Variants in SLC4A10 observed in about 807,000 individuals in gnomAD.
SLC4A10 encodes solute carrier family 4 member 10, also known as sodium-driven chloride bicarbonate exchanger.
SLC4A10 carries 42 observed loss-of-function variants against 137.7 expected under a neutral mutation model. The observed-to-expected ratio is 0.30, with a 90% CI of 0.24 to 0.39. SLC4A10 has a LOEUF of 0.39. Ranked by LOEUF, SLC4A10 falls within the 10% of genes least tolerant of loss-of-function variation. The pLI is 1.00. For missense variants in SLC4A10, 925 were observed against 1,355.0 expected, an observed-to-expected ratio of 0.68 and a Z score of 4.98; for synonymous variants, 474 against 464.1, an observed-to-expected ratio of 1.02 and a Z score of -0.27.
chr2:161,879,345 A>G, intron 9 of SLC4A10, 57 bp downstream of exon 9: 3 of 1,477,306 alleles, frequency 2.0e-6, no homozygotes, highest in Non-Finnish European at 1.8e-6. Flanking sequence ...TCATGGAAAG[A>G]AAATGAGGAT....
intron 3 of SLC4A10, among the ~76,000 whole-genome samples, chr2:161,832,080 C>T (rs1312884685): frequency 2.0e-5 from 3 of 152,114 alleles, no homozygotes; most frequent in Non-Finnish European, 2.9e-5. Flanking sequence ...CCTTATGGGG[C>T]AACAATCAGT....
At chr2:161,916,215 A>G (rs1176651694) in intron 15 of SLC4A10, among the ~76,000 whole-genome samples, 3 of 152,178 alleles carry the variant, frequency 2.0e-5, no homozygotes, top group African/African-American at 7.2e-5. Flanking sequence ...TAGTCCATTT[A>G]TGTTTGAAGT....
chr2:161,948,326 T>C (rs906796162), intron 17 of SLC4A10, among the ~76,000 whole-genome samples: 3 of 152,162 alleles, frequency 2.0e-5, no homozygotes, highest in African/African-American at 7.2e-5. Flanking sequence ...CTATAGATTA[T>C]GATCAAAATT....
At chr2:161,639,534 C>A (rs959361358) in intron 1 of SLC4A10, among the ~76,000 whole-genome samples, 1 of 152,060 alleles carries the variant, frequency 6.6e-6, no homozygotes, top group Admixed American at 6.6e-5. Context: ...ATATGATCAT[C>A]CCAATAGATG....
intron 5 of SLC4A10, among the ~76,000 whole-genome samples, chr2:161,858,223 C>A (rs1332220273): frequency 6.6e-6 from 1 of 152,050 alleles, no homozygotes; most frequent in East Asian, 1.9e-4. Context: ...AATACACAGG[C>A]TTTACAGTAT....
intron 1 of SLC4A10, among the ~76,000 whole-genome samples, chr2:161,702,380 CT>C (rs970237445): frequency 1.6e-4 from 24 of 151,910 alleles, no homozygotes; most frequent in African/African-American, 5.8e-4. Context: ...ACAATGAAAA[CT>C]TTTAAAGATT....
At chr2:161,802,677 C>T (rs192373707) in intron 2 of SLC4A10, among the ~76,000 whole-genome samples, 2 of 152,090 alleles carry the variant, frequency 1.3e-5, no homozygotes, top group Admixed American at 6.6e-5. Context: ...TCTCACAGTT[C>T]TGGAGGCTGG....
At chr2:161,883,954 G>T (rs886523354) in intron 10 of SLC4A10, among the ~76,000 whole-genome samples, 2 of 152,006 alleles carry the variant, frequency 1.3e-5, no homozygotes, top group African/African-American at 4.8e-5. Flanking sequence ...TTTCAAATAA[G>T]GCCACATTCT....
intron 15 of SLC4A10, among the ~76,000 whole-genome samples, chr2:161,936,174 G>T (rs1316610881): frequency 6.6e-6 from 1 of 152,066 alleles, no homozygotes; most frequent in Non-Finnish European, 1.5e-5. Context: ...CTGTGTTGTT[G>T]CATTTAATTT....
intron 1 of SLC4A10, among the ~76,000 whole-genome samples, chr2:161,683,491 G>C (rs2041080686): frequency 6.6e-6 from 1 of 152,122 alleles, no homozygotes; most frequent in Admixed American, 6.6e-5. Context: ...TAGCAGAAAA[G>C]TCAAGGAGAA....
At chr2:161,688,454 T>C (rs2041662592) in intron 1 of SLC4A10, among the ~76,000 whole-genome samples, 1 of 152,164 alleles carries the variant, frequency 6.6e-6, no homozygotes, top group African/African-American at 2.4e-5. Flanking sequence ...GGGTAGAGTA[T>C]GCGATGCATT....
intron 5 of SLC4A10, 134 bp downstream of exon 5, chr2:161,855,264 AT>A: frequency 1.3e-6 from 1 of 769,408 alleles, no homozygotes. Flanking sequence ...CTTAAAAGTC[AT>A]TTTCTTTTAC....
chr2:161,845,941 A>G (rs2059463925), intron 4 of SLC4A10, among the ~76,000 whole-genome samples: 2 of 152,244 alleles, frequency 1.3e-5, no homozygotes, highest in African/African-American at 4.8e-5. Context: ...TAGACATAAC[A>G]CCAAAAGCGC....
At chr2:161,660,572 C>CTTTCTTTCTTTCTTTCT (rs2038175000) in intron 1 of SLC4A10, among the ~76,000 whole-genome samples, 1 of 120,034 alleles carries the variant, frequency 8.3e-6, no homozygotes, top group Non-Finnish European at 1.9e-5. Flanking sequence ...TTCTTTCTTT[C>CTTTCTTTCTTTCTTTCT]TTTCTTTCTT....
intron 4 of SLC4A10, among the ~76,000 whole-genome samples, chr2:161,845,853 T>G (rs2059459422): frequency 6.6e-6 from 1 of 152,106 alleles, no homozygotes; most frequent in Non-Finnish European, 1.5e-5. Flanking sequence ...GATTTAAATT[T>G]GAAACATAAA....
chr2:161,660,323 T>A (rs1558967917), intron 1 of SLC4A10, among the ~76,000 whole-genome samples: 2 of 152,250 alleles, frequency 1.3e-5, no homozygotes, highest in Non-Finnish European at 2.9e-5. Flanking sequence ...ATCTCCTTAC[T>A]TCTTTTGACT....
chr2:161,655,845 C>T lies in SLC4A10; in HGVS notation c.48+31279C>T, dbSNP rs113832216. On this transcript the variant is annotated intron_variant, in intron 1 of 26. Transcript: ENST00000446997. ...TTTTTTTTTTTTGGAGACGGAGTCT[C>T]GCTCTGTCACCCAGGCTGGAGTGCA... Among the ~76,000 whole-genome samples, 700 of 150,298 alleles carry T rather than the reference C, an allele frequency of 4.7e-3. 6 individuals are homozygous for T. The highest frequency in any genetic ancestry group is 0.01 in the Admixed American group (153 of 15,114).
intron 6 of SLC4A10, among the ~76,000 whole-genome samples, chr2:161,867,008 G>A (rs2060801053): frequency 6.6e-6 from 1 of 151,736 alleles, no homozygotes; most frequent in Admixed American, 6.6e-5. Context: ...ATACTTTCCA[G>A]TTGTACCTTT....
chr2:161,628,650 A>G (rs1558895267), intron 1 of SLC4A10, among the ~76,000 whole-genome samples: 2 of 152,078 alleles, frequency 1.3e-5, no homozygotes, highest in Non-Finnish European at 2.9e-5. Flanking sequence ...TAAAGAAAAC[A>G]TACTCACTAC....
Sources: gnomAD v4.1 joint callset for allele counts (sites outside exome capture counted in the v4.1 genomes callset) on GRCh38, gnomAD v4.1.1 for gene constraint, MANE v1.5 for transcripts, NCBI Gene and HGNC (gene_info 2026-07-23, HGNC 2026-07-21) for gene names.